The following LRMDA variants were observed in gnomAD, a reference collection of about 807,000 sequenced individuals.
LRMDA encodes leucine-rich melanocyte differentiation-associated protein.
In LRMDA, 18 loss-of-function variants were observed where a neutral mutation model predicts 29.8. The observed-to-expected ratio is 0.60, with a 90% CI of 0.42 to 0.90. The LOEUF (loss-of-function observed/expected upper bound fraction) is 0.90. Ranked by LOEUF, LRMDA falls within the 40% of genes least tolerant of loss-of-function variation. LRMDA has a pLI of 0.00. For missense variants in LRMDA, 273 were observed against 273.9 expected, an observed-to-expected ratio of 1.00 and a Z score of 0.02; for synonymous variants, 125 against 109.4, an observed-to-expected ratio of 1.14 and a Z score of -0.89.
intron 2 of LRMDA, among the ~76,000 whole-genome samples, chr10:75,626,774 A>G (rs1841255190): frequency 6.6e-6 from 1 of 152,210 alleles, no homozygotes; most frequent in African/African-American, 2.4e-5. Flanking sequence ...TTCTGCCTGT[A>G]TGGCCTGATG....
chr10:76,304,921 A>C (rs2132367900), intron 5 of LRMDA, among the ~76,000 whole-genome samples: 1 of 152,234 alleles, frequency 6.6e-6, no homozygotes, highest in Middle Eastern at 3.4e-3. Context: ...AGAGAGGCTG[A>C]GAAGGCAGGG....
At chr10:76,307,400 T>C (rs1027830195) in intron 5 of LRMDA, among the ~76,000 whole-genome samples, 4 of 152,188 alleles carry the variant, frequency 2.6e-5, no homozygotes, top group Admixed American at 2.0e-4. Context: ...TGGGATGCAG[T>C]GAGGGGCTCC....
At chr10:76,265,706 G>T (rs1023894763) in intron 5 of LRMDA, among the ~76,000 whole-genome samples, 1 of 152,188 alleles carries the variant, frequency 6.6e-6, no homozygotes, top group Non-Finnish European at 1.5e-5. Flanking sequence ...TATTGTTGGG[G>T]AAGAGTCAGA....
At chr10:76,020,999 CT>C (rs1335651034) in intron 2 of LRMDA, among the ~76,000 whole-genome samples, 4 of 152,112 alleles carry the variant, frequency 2.6e-5, no homozygotes, top group Non-Finnish European at 4.4e-5. Context: ...GACTTTTCTT[CT>C]GGAAAGGAGG....
At position 76,471,489 on chromosome 10, in the gene LRMDA, A is replaced by T. The variant is rs1388022041; in HGVS notation, c.602-85720A>T. ...ACTAGAAATATTCACTTAAAGCAAA[A>T]GGAAGCAGTAAAGAAGGAACAGGGA... On this transcript the variant is annotated intron_variant, in intron 6 of 6. Transcript: ENST00000611255. 4.0e-5 allele frequency among the ~76,000 whole-genome samples: 6 copies of T among 151,816 alleles called. No homozygotes were observed. In the East Asian group the frequency reaches 5.8e-4, roughly 15 times the overall value.
At chr10:75,488,375 A>G (rs1461835657) in intron 2 of LRMDA, among the ~76,000 whole-genome samples, 6 of 152,204 alleles carry the variant, frequency 3.9e-5, no homozygotes, top group African/African-American at 7.2e-5. Context: ...CTGAAAGCTC[A>G]GAGTGTGCTT....
At chr10:76,296,169 A>G (rs957868920) in intron 5 of LRMDA, among the ~76,000 whole-genome samples, 1 of 152,218 alleles carries the variant, frequency 6.6e-6, no homozygotes, top group Admixed American at 6.5e-5. Context: ...CAATTTATTT[A>G]AGTATCTAAA....
At chr10:76,455,608 G>C (rs999736042) in intron 6 of LRMDA, among the ~76,000 whole-genome samples, 11 of 152,208 alleles carry the variant, frequency 7.2e-5, no homozygotes, top group Admixed American at 1.3e-4. Context: ...TTCTCCTTGT[G>C]GTCACCTCTA....
At chr10:75,661,105 T>C (rs1367288) in intron 2 of LRMDA, among the ~76,000 whole-genome samples, 93,980 of 151,982 alleles carry the variant, frequency 0.62, 32,783 homozygotes, top group Non-Finnish European at 0.77. Flanking sequence ...GCCAGGCGGA[T>C]CTTAATTAAT....
At chr10:75,611,777 A>G (rs990683456) in intron 2 of LRMDA, among the ~76,000 whole-genome samples, 1 of 152,224 alleles carries the variant, frequency 6.6e-6, no homozygotes, top group African/African-American at 2.4e-5. Flanking sequence ...TGGCAAGCAC[A>G]GTATAGGTTG....
chr10:76,510,981 C>T (rs184564449), intron 6 of LRMDA, among the ~76,000 whole-genome samples: 37 of 152,284 alleles, frequency 2.4e-4, no homozygotes, highest in African/African-American at 8.9e-4. Context: ...AAAAATGAAA[C>T]TACACTTGAT....
At chr10:75,558,543 T>C (rs1840246126) in intron 2 of LRMDA, among the ~76,000 whole-genome samples, 1 of 152,042 alleles carries the variant, frequency 6.6e-6, no homozygotes, top group Non-Finnish European at 1.5e-5. Flanking sequence ...GTTTTTTTAT[T>C]ATTATACTTT....
At chr10:75,630,567 T>C (rs1393599634) in intron 2 of LRMDA, among the ~76,000 whole-genome samples, 5 of 152,240 alleles carry the variant, frequency 3.3e-5, no homozygotes, top group African/African-American at 9.6e-5. Context: ...TCTCACAGGC[T>C]TAATCTCCAT....
At chr10:76,012,254 C>A (rs1240732375) in intron 2 of LRMDA, among the ~76,000 whole-genome samples, 1 of 152,218 alleles carries the variant, frequency 6.6e-6, no homozygotes, top group Non-Finnish European at 1.5e-5. Flanking sequence ...AGTTTTCAGC[C>A]ACTGCACTTT....
At chr10:76,317,662 C>T (rs184572866) in intron 5 of LRMDA, among the ~76,000 whole-genome samples, 1 of 152,320 alleles carries the variant, frequency 6.6e-6, no homozygotes, top group East Asian at 1.9e-4. Flanking sequence ...CAACCTCTGC[C>T]TCCCGGGTTC....
chr10:76,041,608 G>A (rs1342393569), intron 3 of LRMDA, among the ~76,000 whole-genome samples: 2 of 152,184 alleles, frequency 1.3e-5, no homozygotes, highest in Non-Finnish European at 2.9e-5. Flanking sequence ...GGAGGGATGT[G>A]TCCATTCTCA....
chr10:76,061,444 A>G (rs905859742), intron 5 of LRMDA, among the ~76,000 whole-genome samples: 1 of 152,182 alleles, frequency 6.6e-6, no homozygotes, highest in Non-Finnish European at 1.5e-5. Flanking sequence ...TGGGTATGAA[A>G]TAATCTCTAC....
chr10:76,099,526 T>C (rs1353537410), intron 5 of LRMDA, among the ~76,000 whole-genome samples: 2 of 146,300 alleles, frequency 1.4e-5, no homozygotes, highest in African/African-American at 5.1e-5. Context: ...TCTTTACTAG[T>C]GTAAGCATTT....
intron 2 of LRMDA, among the ~76,000 whole-genome samples, chr10:75,968,544 C>T (rs1846907917): frequency 6.6e-6 from 1 of 152,154 alleles, no homozygotes; most frequent in African/African-American, 2.4e-5. Flanking sequence ...GCCTCTGTAG[C>T]ATTAGGGGCT....
Sources: gnomAD v4.1 joint callset for allele counts (sites outside exome capture counted in the v4.1 genomes callset) on GRCh38, gnomAD v4.1.1 for gene constraint, MANE v1.5 for transcripts, NCBI Gene and HGNC (gene_info 2026-07-23, HGNC 2026-07-21) for gene names.